The following ST7 variants were observed in gnomAD, a reference collection of about 807,000 sequenced individuals.
ST7 encodes suppression of tumorigenicity 7, also known as suppressor of tumorigenicity 7 protein.
A neutral mutation model predicts 78.7 loss-of-function variants in ST7; 28 were observed. The ratio of observed to expected loss-of-function variants is 0.36; its 90% CI spans 0.26 to 0.49. The LOEUF is 0.49. Ranked by LOEUF, ST7 falls within the 20% of genes least tolerant of loss-of-function variation. The probability of loss-of-function intolerance (pLI) is 0.99; values close to 1 mark genes in which losing one functional copy is unlikely to be tolerated. For missense variants in ST7, 418 were observed against 696.0 expected (o/e 0.60, Z 4.49); for synonymous variants, 247 against 249.6 (o/e 0.99, Z 0.10).
intron 1 of ST7, among the ~76,000 whole-genome samples, chr7:116,960,145 T>TC (rs923824486): frequency 1.1e-4 from 16 of 152,116 alleles, no homozygotes; most frequent in Non-Finnish European, 1.5e-5. Flanking sequence ...CCTCTCTTTT[T>TC]CTAGATCACC....
At chr7:117,177,753 T>C (rs1242479419) in intron 10 of ST7, among the ~76,000 whole-genome samples, 1 of 152,180 alleles carries the variant, frequency 6.6e-6, no homozygotes, top group East Asian at 1.9e-4. Context: ...GTGAAATTTT[T>C]CCCTTTGGTT....
At chr7:117,020,640 G>A in intron 1 of ST7, 1 of 1,550,660 alleles carries the variant, frequency 6.4e-7, no homozygotes, top group Non-Finnish European at 8.7e-7. Flanking sequence ...GTAAGTAAAT[G>A]GATCCCACTT....
At chr7:117,170,829 A>G (rs375804381) in intron 9 of ST7, 33 bp from the exon 10 acceptor site, 8 of 1,117,298 alleles carry the variant, frequency 7.2e-6, no homozygotes, top group Non-Finnish European at 1.0e-5. Context: ...CATACATAAT[A>G]TACTAATTAT....
At chr7:117,144,465 C>CA (rs755607145) in intron 9 of ST7, among the ~76,000 whole-genome samples, 392 of 123,384 alleles carry the variant, frequency 3.2e-3, no homozygotes, top group Middle Eastern at 8.1e-3. Flanking sequence ...CCATCTCTAC[C>CA]AAAAAAAAAA....
At chr7:117,044,211 G>A (rs756486995) in intron 1 of ST7, among the ~76,000 whole-genome samples, 25 of 152,270 alleles carry the variant, frequency 1.6e-4, no homozygotes, top group Non-Finnish European at 2.1e-4. Context: ...ATGGAATTTC[G>A]TTTTAGTGGC....
chr7:117,098,916 C>A, intron 1 of ST7: 1 of 1,082,306 alleles, frequency 9.2e-7, no homozygotes, highest in African/African-American at 1.6e-5. Flanking sequence ...TGTAAGTGAA[C>A]CCTAATCAGT....
chr7:117,110,992 T>C (rs1802386157), intron 2 of ST7, among the ~76,000 whole-genome samples: 4 of 152,206 alleles, frequency 2.6e-5, no homozygotes, highest in Admixed American at 2.0e-4. Flanking sequence ...TAGGAACATT[T>C]TGAAAGGTCT....
At chr7:116,997,257 G>A (rs1053411799) in intron 1 of ST7, among the ~76,000 whole-genome samples, 2 of 152,190 alleles carry the variant, frequency 1.3e-5, no homozygotes, top group African/African-American at 2.4e-5. Context: ...CTTCCACAGT[G>A]TGGAAGGGGA....
rs1417474786 is a variant in ST7 at position 117,219,314 on chromosome 7, T to G, written c.1498+138T>G. 1 of 690,114 alleles carries G rather than the reference T, an allele frequency of 1.4e-6. No individual in the cohort carries two copies. The highest frequency in any genetic ancestry group is 1.8e-5 in the African/African-American group (1 of 55,350). 42.7% of individuals were successfully genotyped at this position (690,114 alleles called of 1,614,324 possible). A position where few individuals can be genotyped will look rare whatever the true frequency, so the allele number is the denominator to read the frequency against. Reference sequence around the variant, plus strand: ...ACCCCTGTCCTTGTTTGATAGCATATGTATTAAAGTGAATTATGTGAGTGG... The same window carrying G: ...ACCCCTGTCCTTGTTTGATAGCATAGGTATTAAAGTGAATTATGTGAGTGG... On this transcript the variant is annotated intron_variant, in intron 14 of 15. Coordinates refer to ENST00000323984, the MANE Select transcript of ST7 (RefSeq NM_001369598.1). This position sits in a 1 kb window ranked among gnomAD's most constrained non-coding sequence, Gnocchi z 5.1.
At chr7:117,200,876 T>C (rs757053476) in intron 12 of ST7, among the ~76,000 whole-genome samples, 8 of 151,282 alleles carry the variant, frequency 5.3e-5, no homozygotes, top group African/African-American at 1.2e-4. Context: ...CTAGAAACTC[T>C]AATTTCATGG....
chr7:117,145,554 T>C (rs990662154), intron 9 of ST7: 1 of 152,170 alleles, frequency 6.6e-6, no homozygotes, highest in African/African-American at 2.4e-5. Flanking sequence ...TCTCTGCCTG[T>C]CTTCACATGG....
At chr7:117,084,055 T>G (rs1285772253) in intron 1 of ST7, among the ~76,000 whole-genome samples, 3 of 152,184 alleles carry the variant, frequency 2.0e-5, no homozygotes, top group Non-Finnish European at 4.4e-5. Context: ...AAATGCTACT[T>G]TTTACTCTAA....
chr7:117,066,710 G>A (rs760044958), intron 1 of ST7, among the ~76,000 whole-genome samples: 51 of 149,900 alleles, frequency 3.4e-4, no homozygotes, highest in African/African-American at 1.1e-3. Flanking sequence ...GCAGTGAGCC[G>A]GGATCATGTC....
At chr7:117,212,288 GA>G (rs1277597902) in intron 13 of ST7, among the ~76,000 whole-genome samples, 2 of 152,198 alleles carry the variant, frequency 1.3e-5, no homozygotes, top group Admixed American at 6.5e-5. Context: ...TTCAAGAGAG[GA>G]AACAGGTTCA....
At position 117,201,405 on chromosome 7, in the gene ST7, C is replaced by G. The variant is rs1810833828; in HGVS notation, c.1255-8382C>G. On this transcript the variant is annotated intron_variant, in intron 12 of 15. Transcript: ENST00000323984. ...ACTACTCCCATACAGGCCACCCCCACCAGGCTCATTACCTCTACTGAGGTC... is the reference window on the plus strand; with the variant it reads ...ACTACTCCCATACAGGCCACCCCCAGCAGGCTCATTACCTCTACTGAGGTC... 6.6e-5 allele frequency among the ~76,000 whole-genome samples: 10 copies of G among 152,258 alleles called. No homozygotes were observed. The South Asian group carries it at 2.1e-3, about 32-fold the overall frequency.
chr7:117,047,583 T>C (rs1797555325), intron 1 of ST7, among the ~76,000 whole-genome samples: 1 of 152,242 alleles, frequency 6.6e-6, no homozygotes. Flanking sequence ...TAGCCGTTTA[T>C]ACTCTGTGCA....
At chr7:117,196,649 T>C (rs1287334284) in intron 12 of ST7, among the ~76,000 whole-genome samples, 1 of 110,300 alleles carries the variant, frequency 9.1e-6, no homozygotes, top group Non-Finnish European at 1.8e-5. Flanking sequence ...TTTTTTTTTT[T>C]TTGCTATTGA....
chr7:117,153,693 A>G (rs946982214), intron 9 of ST7, among the ~76,000 whole-genome samples: 1 of 152,186 alleles, frequency 6.6e-6, no homozygotes, highest in African/African-American at 2.4e-5. Context: ...TTGTGGAGAA[A>G]ACTATTTGTT....
At chr7:117,089,635 G>C (rs567509663) in intron 1 of ST7, among the ~76,000 whole-genome samples, 1 of 150,146 alleles carries the variant, frequency 6.7e-6, no homozygotes, top group Middle Eastern at 3.2e-3. Context: ...GCAATGGCGC[G>C]ATCTCGGCTC....
Sources: allele counts gnomAD v4.1 joint callset (sites outside exome capture counted in the v4.1 genomes callset), GRCh38; gene constraint gnomAD v4.1.1; non-coding constraint Gnocchi (gnomAD v3.1); transcripts MANE v1.5; gene names NCBI Gene and HGNC (gene_info 2026-07-23, HGNC 2026-07-21).